NSUN3: variants seen among roughly 807,000 people sequenced by gnomAD.
NSUN3 encodes tRNA (cytosine(34)-C(5))-methyltransferase, mitochondrial.
Under a neutral mutation model 36.8 loss-of-function variants are expected in NSUN3, and 24 were observed. The observed-to-expected ratio is 0.65, with a 90% CI of 0.47 to 0.92. The LOEUF (loss-of-function observed/expected upper bound fraction) is 0.92. Ranked by LOEUF, NSUN3 falls within the 40% of genes least tolerant of loss-of-function variation. The pLI, the probability that NSUN3 is intolerant of heterozygous loss-of-function variation, is 0.00. For synonymous variants in NSUN3, 146 were observed against 145.2 expected (o/e 1.01, Z -0.04); for missense variants, 381 against 392.8 (o/e 0.97, Z 0.25).
chr3:94,113,421 GAT>G (rs2077426437), intron 5 of NSUN3, among the ~76,000 whole-genome samples: 1 of 152,146 alleles, frequency 6.6e-6, no homozygotes, highest in Non-Finnish European at 1.5e-5. Flanking sequence ...TTAATTGAAA[GAT>G]TGAATGAGGT....
chr3:94,069,375 ATTTG>A (rs1333877433), intron 2 of NSUN3, among the ~76,000 whole-genome samples: 1 of 152,194 alleles, frequency 6.6e-6, no homozygotes, highest in East Asian at 1.9e-4. Context: ...CCATAAATTG[ATTTG>A]TTTTTCATTT....
intron 2 of NSUN3, among the ~76,000 whole-genome samples, chr3:94,083,545 C>T (rs867268846): frequency 1.1e-4 from 16 of 152,114 alleles, no homozygotes; most frequent in Non-Finnish European, 1.2e-4. Context: ...CACTCTTGTG[C>T]AAATATCTGA....
At chr3:94,076,097 G>C in intron 2 of NSUN3, 2 of 1,506,798 alleles carry the variant, frequency 1.3e-6, no homozygotes. Context: ...CAACTCTGGT[G>C]ACCCGTCTTC....
At chr3:94,067,116 G>A (rs2077207353) in intron 2 of NSUN3, among the ~76,000 whole-genome samples, 1 of 152,172 alleles carries the variant, frequency 6.6e-6, no homozygotes, top group South Asian at 2.1e-4. Context: ...ACTAAAAGCT[G>A]TATGGACAGT....
At chr3:94,084,613 T>G in intron 3 of NSUN3, 163 bp downstream of exon 3, 1 of 538,850 alleles carries the variant, frequency 1.9e-6, no homozygotes, top group Non-Finnish European at 3.2e-6. Context: ...GCTGAGGAAG[T>G]CAGTATAAAT....
chr3:94,103,639 A>G (rs892579070), intron 5 of NSUN3, among the ~76,000 whole-genome samples: 3 of 152,040 alleles, frequency 2.0e-5, no homozygotes, highest in Non-Finnish European at 4.4e-5. Context: ...TATACAATTG[A>G]TATCTTTTTC....
rs370889370 is a variant in NSUN3 at position 94,130,960 on chromosome 3, T to A, written c.*4470T>A. Among the ~76,000 whole-genome samples the A allele has an allele frequency of 7.1e-4, 108 of 152,162 alleles. No individual in the cohort carries two copies. The highest frequency in any genetic ancestry group is 3.8e-3 in the Admixed American group (58 of 15,280). ...TTCCTCCCACTGTCCCCAACCCAGC[T>A]AGAGTGCAGTGGTGTCATCATGGCT... On this transcript the variant is annotated 3_prime_UTR_variant, in exon 6 of 6. Transcript: ENST00000314622.
chr3:94,117,144 G>A (rs1009633164), intron 5 of NSUN3, among the ~76,000 whole-genome samples: 4 of 151,598 alleles, frequency 2.6e-5, no homozygotes, highest in Admixed American at 6.6e-5. Flanking sequence ...GGTTATAGGC[G>A]CACGCCACCA....
At chr3:94,104,981 T>A (rs1164273253) in intron 5 of NSUN3, among the ~76,000 whole-genome samples, 4 of 152,324 alleles carry the variant, frequency 2.6e-5, no homozygotes, top group Admixed American at 6.5e-5. Context: ...TTGAAAAGCT[T>A]TTAATGGATA....
At chr3:94,095,009 A>G in intron 4 of NSUN3, 24 bp from the exon 5 acceptor site, 1 of 1,612,676 alleles carries the variant, frequency 6.2e-7, no homozygotes, top group Non-Finnish European at 8.5e-7. Flanking sequence ...GCATATTTGC[A>G]TCACTTGTCT....
At chr3:94,113,437 A>G (rs1159008104) in intron 5 of NSUN3, among the ~76,000 whole-genome samples, 1 of 152,236 alleles carries the variant, frequency 6.6e-6, no homozygotes, top group Non-Finnish European at 1.5e-5. Flanking sequence ...ATGAGGTAAC[A>G]TATAACACAC....
intron 1 of NSUN3, 199 bp downstream of exon 1, chr3:94,063,337 G>A: frequency 3.3e-6 from 2 of 607,558 alleles, no homozygotes; most frequent in Non-Finnish European, 5.9e-6. Context: ...CGTCCAGCTC[G>A]CAGACTTCTA....
intron 5 of NSUN3, among the ~76,000 whole-genome samples, chr3:94,108,548 T>A (rs1303874479): frequency 6.6e-6 from 1 of 151,838 alleles, no homozygotes; most frequent in Admixed American, 6.6e-5. Flanking sequence ...TTAGTAGAGA[T>A]GGGGGTTTCA....
chr3:94,081,036 G>T (rs1012775192), intron 2 of NSUN3, among the ~76,000 whole-genome samples: 1 of 152,210 alleles, frequency 6.6e-6, no homozygotes, highest in African/African-American at 2.4e-5. Context: ...GGGCCCTGGT[G>T]GGGTAGGCAC....
chr3:94,074,450 T>G (rs555390250), intron 2 of NSUN3, among the ~76,000 whole-genome samples: 2 of 152,342 alleles, frequency 1.3e-5, no homozygotes, highest in South Asian at 4.1e-4. Flanking sequence ...GGAAGTATTT[T>G]CCATTTGTTT....
At chr3:94,124,079 C>T (rs944121711) in intron 5 of NSUN3, among the ~76,000 whole-genome samples, 6 of 151,104 alleles carry the variant, frequency 4.0e-5, no homozygotes, top group South Asian at 2.1e-4. Context: ...GCTAGAGTTG[C>T]CATAACAAAA....
At chr3:94,085,687 A>C (rs2077290003) in intron 3 of NSUN3, among the ~76,000 whole-genome samples, 1 of 152,048 alleles carries the variant, frequency 6.6e-6, no homozygotes. Flanking sequence ...TGAGCCTGGG[A>C]GGCAGAGATT....
At chr3:94,077,162 C>A in intron 2 of NSUN3, 1 of 719,130 alleles carries the variant, frequency 1.4e-6, no homozygotes, top group South Asian at 1.5e-5. Flanking sequence ...AAGGCTGCTT[C>A]CTTGTCAGTC....
intron 3 of NSUN3, among the ~76,000 whole-genome samples, chr3:94,091,607 C>A (rs2077315413): frequency 6.6e-6 from 1 of 152,166 alleles, no homozygotes; most frequent in African/African-American, 2.4e-5. Flanking sequence ...ATTCTTGTAT[C>A]TTTTAGGAAA....
Sources: gnomAD v4.1 joint callset for allele counts (sites outside exome capture counted in the v4.1 genomes callset) on GRCh38, gnomAD v4.1.1 for gene constraint, MANE v1.5 for transcripts, NCBI Gene and HGNC (gene_info 2026-07-23, HGNC 2026-07-21) for gene names.